Variants in CNGB3 observed in about 807,000 individuals in gnomAD.
CNGB3 encodes the protein cyclic nucleotide gated channel subunit beta 3.
A neutral mutation model predicts 92.8 loss-of-function variants in CNGB3; 86 were observed. The observed-to-expected ratio is 0.93, with a 90% CI of 0.78 to 1.11. The LOEUF is 1.11. CNGB3 is among the 50% of genes least tolerant of loss of function. The pLI is 0.00. For synonymous variants in CNGB3, 333 were observed against 332.7 expected, an observed-to-expected ratio of 1.00 and a Z score of -0.01; for missense variants, 1,026 against 956.8, an observed-to-expected ratio of 1.07 and a Z score of -0.95.
rs202063704 is a variant in CNGB3 at position 86,612,187 on chromosome 8, GA to G, written c.1579-517del. Reference sequence around the variant, plus strand: ...AACTCAATTATCTTCTTAAGGCAGGGAAAAAAAAAGTACACAATAGATACAA... The same window carrying G: ...AACTCAATTATCTTCTTAAGGCAGGGAAAAAAAAGTACACAATAGATACAA... On this transcript the variant is annotated intron_variant, in intron 13 of 17. Coordinates refer to ENST00000320005, the MANE Select transcript of CNGB3 (RefSeq NM_019098.5). Among the ~76,000 whole-genome samples, 1,026 of 150,144 alleles carry G rather than the reference GA, an allele frequency of 6.8e-3. 12 individuals carry two copies. The highest frequency in any genetic ancestry group is 0.023 in the African/African-American group (953 of 41,042).
intron 3 of CNGB3, among the ~76,000 whole-genome samples, chr8:86,680,003 C>G (rs1301543435): frequency 6.6e-6 from 1 of 152,180 alleles, no homozygotes; most frequent in Non-Finnish European, 1.5e-5. Context: ...TCTTGGACTC[C>G]TAGCCTCCAG....
chr8:86,691,759 C>T (rs1333014532), intron 3 of CNGB3, among the ~76,000 whole-genome samples: 1 of 151,922 alleles, frequency 6.6e-6, no homozygotes, highest in Non-Finnish European at 1.5e-5. Flanking sequence ...TTCTTTTCTT[C>T]TGCTGGGTTG....
intron 15 of CNGB3, among the ~76,000 whole-genome samples, chr8:86,580,515 T>C (rs1315418639): frequency 1.3e-5 from 2 of 152,168 alleles, no homozygotes; most frequent in African/African-American, 2.4e-5. Flanking sequence ...TACTCCAAAA[T>C]CAACTTGTTC....
Position 86,586,080 on chromosome 8 carries a change from C to T in CNGB3, c.1782-6828G>A, listed in dbSNP as rs189862662. Among the ~76,000 whole-genome samples the T allele has an allele frequency of 8.8e-4, 133 of 151,890 alleles. 2 individuals are homozygous for T. The East Asian group carries it at 0.017, about 20-fold the overall frequency. On this transcript the variant is annotated intron_variant, in intron 15 of 17. Coordinates refer to ENST00000320005, the MANE Select transcript of CNGB3 (RefSeq NM_019098.5). ...GATTGTGCTTTGAAGGTCAATCATGCAAGGGAAGATAAAGAATTCACTGTA... is the reference window on the plus strand; with the variant it reads ...GATTGTGCTTTGAAGGTCAATCATGTAAGGGAAGATAAAGAATTCACTGTA...
intron 13 of CNGB3, among the ~76,000 whole-genome samples, chr8:86,615,099 A>G (rs1822591733): frequency 6.6e-6 from 1 of 152,180 alleles, no homozygotes; most frequent in African/African-American, 2.4e-5. Context: ...TAGTGAGTTA[A>G]AGTATACAGG....
intron 13 of CNGB3, among the ~76,000 whole-genome samples, chr8:86,616,186 A>G (rs2131571771): frequency 6.6e-6 from 1 of 152,310 alleles, no homozygotes; most frequent in South Asian, 2.1e-4. Flanking sequence ...CAATCTAAAT[A>G]TGACTTTTTA....
rs1823779468 is a variant in CNGB3 at position 86,668,095 on chromosome 8, C to T, written c.567G>A (p.Trp189Ter). The change falls in exon 5 of 18, where the codon TGG becomes TGA. Residue 189 changes from tryptophan (W) to a stop codon, truncating the protein, a stop_gained. Coordinates refer to ENST00000320005, the MANE Select transcript of CNGB3 (RefSeq NM_019098.5). LOFTEE classifies it high-confidence loss of function. ...KPTEHYYRLLWFKVKKMPLTE... is the reference protein window; with the variant it reads ...KPTEHYYRLL ...TTAAAGGCATCTTTTTGACTTTGAA[C>T]CACAACAGCCTGTAGTAATGTTCTG... 6.2e-7 allele frequency: 1 copy of T among 1,613,700 alleles called. No homozygotes were observed. Among genetic ancestry groups the T allele is most frequent in the Non-Finnish European group, 8.5e-7 (1 of 1,179,936 alleles).
intron 15 of CNGB3, among the ~76,000 whole-genome samples, chr8:86,582,383 G>C (rs1821804740): frequency 8.1e-6 from 1 of 122,704 alleles, no homozygotes; most frequent in Admixed American, 9.4e-5. Context: ...AACAGAGGGA[G>C]ACCCTATCTC....
intron 10 of CNGB3, among the ~76,000 whole-genome samples, chr8:86,643,534 C>T (rs560152825): frequency 1.1e-4 from 17 of 151,252 alleles, no homozygotes; most frequent in African/African-American, 2.9e-4. Context: ...TGATATTTAT[C>T]GTTTTGGGTC....
intron 6 of CNGB3, among the ~76,000 whole-genome samples, chr8:86,662,536 G>C (rs1219574220): frequency 6.6e-6 from 1 of 152,192 alleles, no homozygotes; most frequent in Non-Finnish European, 1.5e-5. Flanking sequence ...CCCTGAGCTA[G>C]GTGTCTTATT....
chr8:86,590,860 G>C (rs1030857474), intron 15 of CNGB3, among the ~76,000 whole-genome samples: 20 of 151,208 alleles, frequency 1.3e-4, no homozygotes, highest in African/African-American at 4.6e-4. Context: ...GGTGTTCTCT[G>C]TATTTCCTGA....
intron 1 of CNGB3, among the ~76,000 whole-genome samples, chr8:86,740,475 G>A (rs1825321652): frequency 6.6e-6 from 1 of 152,156 alleles, no homozygotes; most frequent in African/African-American, 2.4e-5. Flanking sequence ...TTTTCCACAT[G>A]GAGAGGACTT....
At chr8:86,734,796 T>C (rs767516606) in intron 2 of CNGB3, among the ~76,000 whole-genome samples, 4 of 152,184 alleles carry the variant, frequency 2.6e-5, no homozygotes, top group Non-Finnish European at 5.9e-5. Flanking sequence ...AGACAGGGCA[T>C]GAATGCTCCT....
At chr8:86,688,759 C>G (rs1824239307) in intron 3 of CNGB3, among the ~76,000 whole-genome samples, 1 of 151,122 alleles carries the variant, frequency 6.6e-6, no homozygotes, top group Non-Finnish European at 1.5e-5. Context: ...TTTAAAAAAC[C>G]AACTTTTCAT....
intron 7 of CNGB3, among the ~76,000 whole-genome samples, chr8:86,648,427 T>A (rs539417315): frequency 6.6e-6 from 1 of 151,306 alleles, no homozygotes; most frequent in East Asian, 1.9e-4. Context: ...AAAGTATCTA[T>A]CAGAGCCTGT....
chr8:86,693,435 ATTTATTTAT>A (rs1019769969), intron 3 of CNGB3, among the ~76,000 whole-genome samples: 46 of 146,454 alleles, frequency 3.1e-4, no homozygotes, highest in African/African-American at 1.0e-3. Flanking sequence ...TATTATTATT[ATTTATTTAT>A]TTATTTATTT....
In CNGB3 at chr8:86,635,863, TACAC is replaced by T. The variant is rs1370641229; in HGVS notation, c.1179-2974_1179-2971del. On this transcript the variant is annotated intron_variant, in intron 10 of 17. Transcript: ENST00000320005. ...ATATATATATATATATATATATATA[TACAC>T]ATACACATATACTTAGGCATACTTA... 9.4e-3 allele frequency among the ~76,000 whole-genome samples: 516 copies of T among 54,742 alleles called. 1 individual carries two copies. Among genetic ancestry groups the T allele is most frequent in the Non-Finnish European group, 0.011 (337 of 30,056 alleles). The allele number at this position is 54,742 out of a possible 152,430, so 35.9% of individuals were successfully genotyped here.
chr8:86,681,151 CAG>C (rs529776784), intron 3 of CNGB3, among the ~76,000 whole-genome samples: 1 of 151,990 alleles, frequency 6.6e-6, no homozygotes, highest in Non-Finnish European at 1.5e-5. Flanking sequence ...TCTAAAGAAA[CAG>C]AATAACAAAG....
At chr8:86,693,590 C>A (rs944955078) in intron 3 of CNGB3, among the ~76,000 whole-genome samples, 8 of 150,206 alleles carry the variant, frequency 5.3e-5, no homozygotes, top group East Asian at 2.0e-4. Flanking sequence ...GAGGACCCTG[C>A]GGCCTTCCGC....
Sources: gnomAD v4.1 joint callset for allele counts (sites outside exome capture counted in the v4.1 genomes callset) on GRCh38, gnomAD v4.1.1 for gene constraint, MANE v1.5 for transcripts, NCBI Gene and HGNC (gene_info 2026-07-23, HGNC 2026-07-21) for gene names.